The following SMOC2 variants were observed in gnomAD, a reference collection of about 807,000 sequenced individuals.
The protein encoded by SMOC2 is SPARC related modular calcium binding 2.
In SMOC2, 39 loss-of-function variants were observed where a neutral mutation model predicts 61.4. The ratio of observed to expected loss-of-function variants is 0.64; its 90% confidence interval spans 0.49 to 0.83. The LOEUF is 0.83. SMOC2 is among the 40% of genes least tolerant of loss of function. SMOC2 has a pLI of 0.00. For synonymous variants in SMOC2, 247 were observed against 239.9 expected, an observed-to-expected ratio of 1.03 and a Z score of -0.27; for missense variants, 556 against 592.9, an observed-to-expected ratio of 0.94 and a Z score of 0.65.
chr6:168,546,333 A>T (rs981497712), intron 5 of SMOC2, among the ~76,000 whole-genome samples: 2 of 149,450 alleles, frequency 1.3e-5, no homozygotes, highest in African/African-American at 2.5e-5. Flanking sequence ...TGGGGCCCTG[A>T]GTGTCTGGAG....
chr6:168,597,931 C>T (rs753810576), intron 7 of SMOC2, among the ~76,000 whole-genome samples: 3 of 152,226 alleles, frequency 2.0e-5, no homozygotes, highest in Admixed American at 6.5e-5. Flanking sequence ...GTCAGACATA[C>T]ATGTCTAAAC....
At chr6:168,569,528 C>T (rs1409318092) in intron 7 of SMOC2, among the ~76,000 whole-genome samples, 1 of 152,218 alleles carries the variant, frequency 6.6e-6, no homozygotes, top group African/African-American at 2.4e-5. Context: ...GCAACCTCCA[C>T]TTCCTGGACT....
At chr6:168,467,680 C>T (rs543629541) in intron 1 of SMOC2, among the ~76,000 whole-genome samples, 2 of 152,256 alleles carry the variant, frequency 1.3e-5, no homozygotes, top group East Asian at 1.9e-4. Context: ...ATCTCAAACT[C>T]CTGGGCTCAG....
At chr6:168,449,833 G>C (rs1781421003) in intron 1 of SMOC2, among the ~76,000 whole-genome samples, 1 of 152,166 alleles carries the variant, frequency 6.6e-6, no homozygotes, top group Admixed American at 6.5e-5. Flanking sequence ...AAGGACAATT[G>C]AGTTAAATTT....
chr6:168,602,400 G>C (rs912556876), intron 8 of SMOC2, among the ~76,000 whole-genome samples: 2 of 152,102 alleles, frequency 1.3e-5, no homozygotes, highest in Admixed American at 1.3e-4. Flanking sequence ...TAGCTGTTAG[G>C]GCATCACAGT....
chr6:168,503,563 G>C (rs889903531), intron 1 of SMOC2, among the ~76,000 whole-genome samples: 1 of 152,118 alleles, frequency 6.6e-6, no homozygotes, highest in Admixed American at 6.5e-5. Flanking sequence ...GAAAGAGCTC[G>C]TTATTTTATC....
chr6:168,456,486 G>C (rs1486593644), intron 1 of SMOC2, among the ~76,000 whole-genome samples: 1 of 152,154 alleles, frequency 6.6e-6, no homozygotes, highest in Non-Finnish European at 1.5e-5. Context: ...TCGGTGCTGC[G>C]AGACCCTCAC....
rs1033678624 is a variant in SMOC2, at chr6:168,599,293, CACAT to C, written c.824+292_824+295del. Among the ~76,000 whole-genome samples the C allele has an allele frequency of 1.0e-4, 9 of 89,936 alleles. No homozygotes were observed. The South Asian group carries it at 1.1e-3, about 11-fold the overall frequency. 59.0% of individuals were successfully genotyped at this position (89,936 alleles called of 152,430 possible). A position where few individuals can be genotyped will look rare whatever the true frequency, so the allele number is the denominator to read the frequency against. Reference sequence around the variant, plus strand: ...CCACGCTCTCACACACCCACACACACACATACCACACACACACCCCCACACTGTT... The same window carrying C: ...CCACGCTCTCACACACCCACACACACACCACACACACACCCCCACACTGTT... On this transcript the variant is annotated intron_variant, in intron 8 of 12. Coordinates refer to ENST00000356284, the MANE Select transcript of SMOC2 (RefSeq NM_001166412.2).
At chr6:168,450,462 A>G (rs1781434762) in intron 1 of SMOC2, among the ~76,000 whole-genome samples, 1 of 152,216 alleles carries the variant, frequency 6.6e-6, no homozygotes, top group Non-Finnish European at 1.5e-5. Context: ...GTATTTAAAC[A>G]AGATGCTTAG....
Position 168,537,803 on chromosome 6 carries a change from TGGATGCAGTTCTGTCAGCACGAAGG to T in SMOC2, c.464-5818_464-5794del, listed in dbSNP as rs138427667. Among the ~76,000 whole-genome samples, 850 of 152,258 alleles carry T rather than the reference TGGATGCAGTTCTGTCAGCACGAAGG, an allele frequency of 5.6e-3. 11 individuals are homozygous for T. Among genetic ancestry groups the T allele is most frequent in the East Asian group, 0.031 (162 of 5,170 alleles). On this transcript the variant is annotated intron_variant, in intron 4 of 12. Coordinates refer to ENST00000356284, the MANE Select transcript of SMOC2 (RefSeq NM_001166412.2). Reference sequence around the variant, plus strand: ...AGGTGGCTGGAGCCCACAGGGTGGATGGATGCAGTTCTGTCAGCACGAAGGGGAAAGGGCCTGGCCTGGAGTTCAC... The same window carrying T: ...AGGTGGCTGGAGCCCACAGGGTGGATGGAAAGGGCCTGGCCTGGAGTTCAC...
intron 1 of SMOC2, among the ~76,000 whole-genome samples, chr6:168,465,315 A>G (rs996835677): frequency 6.6e-6 from 1 of 152,048 alleles, no homozygotes; most frequent in Non-Finnish European, 1.5e-5. Context: ...TGTCCTTTAC[A>G]CTTAAGCTCT....
At position 168,453,152 on chromosome 6, in the gene SMOC2, G is replaced by A. The variant is rs906561457; in HGVS notation, c.84+11698G>A. On this transcript the variant is annotated intron_variant, in intron 1 of 12. Coordinates refer to ENST00000356284, the MANE Select transcript of SMOC2 (RefSeq NM_001166412.2). This position sits in a 1 kb window ranked among gnomAD's most constrained non-coding sequence, Gnocchi z 4.4. ...GCAGTGTGGCTTGAATCTGCTGTCC[G>A]ACGCAGGCAGGTGCAGGCTGTTCTA... Among the ~76,000 whole-genome samples, 1 of 151,766 alleles carries A rather than the reference G, an allele frequency of 6.6e-6. No homozygotes were observed. Among genetic ancestry groups the A allele is most frequent in the South Asian group, 2.1e-4 (1 of 4,796 alleles).
At chr6:168,469,589 G>C (rs72503838) in intron 1 of SMOC2, among the ~76,000 whole-genome samples, 1 of 152,182 alleles carries the variant, frequency 6.6e-6, no homozygotes, top group African/African-American at 2.4e-5. Flanking sequence ...TCAAATCATC[G>C]TGCAAACCCA....
chr6:168,581,198 A>G (rs1784908794), intron 7 of SMOC2, among the ~76,000 whole-genome samples: 1 of 152,204 alleles, frequency 6.6e-6, no homozygotes, highest in Non-Finnish European at 1.5e-5. Flanking sequence ...TTAAAATTTT[A>G]TATTTTATTT....
intron 1 of SMOC2, among the ~76,000 whole-genome samples, chr6:168,486,061 G>A (rs1342436514): frequency 2.0e-5 from 3 of 152,154 alleles, no homozygotes; most frequent in Non-Finnish European, 4.4e-5. Context: ...CGTTCGTACG[G>A]TTCCTGTGTA....
At chr6:168,501,842 T>A (rs1562558422) in intron 1 of SMOC2, among the ~76,000 whole-genome samples, 1 of 152,170 alleles carries the variant, frequency 6.6e-6, no homozygotes, top group Non-Finnish European at 1.5e-5. Flanking sequence ...TGGGAGCGTC[T>A]CCAGGCGTTT....
intron 10 of SMOC2, among the ~76,000 whole-genome samples, chr6:168,652,574 T>A (rs766061217): frequency 1.3e-5 from 2 of 152,198 alleles, no homozygotes; most frequent in Non-Finnish European, 2.9e-5. Context: ...ACATGAAGGA[T>A]GTGTAAAAGA....
chr6:168,600,231 C>A (rs373169571), intron 8 of SMOC2, among the ~76,000 whole-genome samples: 98 of 151,970 alleles, frequency 6.4e-4, no homozygotes, highest in African/African-American at 2.2e-3. Context: ...TATAGTGAAA[C>A]CCTGTCACTA....
At chr6:168,559,813 C>T (rs1488887554) in intron 7 of SMOC2, among the ~76,000 whole-genome samples, 1 of 152,194 alleles carries the variant, frequency 6.6e-6, no homozygotes, top group African/African-American at 2.4e-5. Context: ...TTTTACCAGT[C>T]CATCCTCCTT....
Sources: allele counts gnomAD v4.1 joint callset (sites outside exome capture counted in the v4.1 genomes callset), GRCh38; gene constraint gnomAD v4.1.1; non-coding constraint Gnocchi (gnomAD v3.1); transcripts MANE v1.5; gene names NCBI Gene and HGNC (gene_info 2026-07-23, HGNC 2026-07-21).